Variants in TMC5 observed in about 807,000 individuals in gnomAD.
TMC5 encodes transmembrane channel like 5.
In TMC5, 86 loss-of-function variants were observed where a neutral mutation model predicts 110.5. The ratio of observed to expected loss-of-function variants is 0.78; its 90% CI spans 0.65 to 0.93. The LOEUF (loss-of-function observed/expected upper bound fraction) is 0.93, where lower values mean the gene tolerates loss of function less well. Among genes scored for constraint, TMC5 ranks in the 40% least tolerant of loss-of-function variants. The pLI is 0.00. For synonymous variants in TMC5, 455 were observed against 439.5 expected (o/e 1.04, Z -0.44); for missense variants, 1,144 against 1,222.8 (o/e 0.94, Z 0.96).
At chr16:19,453,665 G>A (rs1379318548) in intron 5 of TMC5, among the ~76,000 whole-genome samples, 2 of 152,108 alleles carry the variant, frequency 1.3e-5, no homozygotes, top group Non-Finnish European at 2.9e-5. Flanking sequence ...CTACTCTGGA[G>A]GCTGAGATGG....
At chr16:19,427,841 A>G (rs899993362) in intron 1 of TMC5, among the ~76,000 whole-genome samples, 4 of 126,000 alleles carry the variant, frequency 3.2e-5, no homozygotes, top group African/African-American at 5.0e-5. Flanking sequence ...CTCTAGATCC[A>G]TAGTTTCTGC....
chr16:19,427,679 G>A (rs1203807643), intron 1 of TMC5, among the ~76,000 whole-genome samples: 1 of 151,766 alleles, frequency 6.6e-6, no homozygotes, highest in Non-Finnish European at 1.5e-5. Context: ...TCTATTGTGG[G>A]GAGGCCAGTC....
upstream of TMC5, among the ~76,000 whole-genome samples, chr16:19,414,839 A>T (rs763964551): frequency 6.6e-6 from 1 of 151,910 alleles, no homozygotes. Flanking sequence ...TGAGGCCAGG[A>T]GTTCGAGACC....
intron 2 of TMC5, among the ~76,000 whole-genome samples, chr16:19,434,045 A>T (rs1567300198): frequency 8.3e-3 from 55 of 6,654 alleles, no homozygotes; most frequent in Non-Finnish European, 0.012. Flanking sequence ...TTATATATAT[A>T]ATATATATAA....
At chr16:19,476,601 T>C (rs992140442) in intron 12 of TMC5, among the ~76,000 whole-genome samples, 1 of 152,152 alleles carries the variant, frequency 6.6e-6, no homozygotes, top group African/African-American at 2.4e-5. Flanking sequence ...AGGTTGGCAG[T>C]GTACGCTGGG....
At chr16:19,458,075 C>T (rs115750316) in intron 5 of TMC5, among the ~76,000 whole-genome samples, 99 of 152,080 alleles carry the variant, frequency 6.5e-4, no homozygotes, top group African/African-American at 2.1e-3. Flanking sequence ...TGGGCTAATT[C>T]CTCCTCACCC....
intron 8 of TMC5, among the ~76,000 whole-genome samples, chr16:19,465,050 TCTTTCTTTTCC>T (rs1968138946): frequency 4.8e-5 from 5 of 103,462 alleles, no homozygotes; most frequent in Admixed American, 2.1e-4. Flanking sequence ...TTTCTTTCTT[TCTTTCTTTTCC>T]TTCCTTCCTT....
Position 19,460,221 on chromosome 16 carries a change from A to C in TMC5, c.1049-14A>C. 6.3e-7 allele frequency: 1 copy of C among 1,583,932 alleles called. No homozygotes were observed. Among genetic ancestry groups the C allele is most frequent in the Non-Finnish European group, 8.6e-7 (1 of 1,159,202 alleles). ...AAGAAAAAAGAAATTAAATTCCATT[A>C]ATTTCTTTCATAGGACAGAAGTTAA... On this transcript the variant is annotated splice_polypyrimidine_tract_variant and intron_variant, in intron 5 of 21. Transcript: ENST00000542583.
chr16:19,420,141 T>A (rs1305958745), intron 1 of TMC5, among the ~76,000 whole-genome samples: 3 of 152,022 alleles, frequency 2.0e-5, no homozygotes, highest in Admixed American at 2.0e-4. Context: ...ATCAACTAAT[T>A]TTAGGCCAGG....
chr16:19,434,483 G>GATAA (rs1201866441), intron 2 of TMC5, among the ~76,000 whole-genome samples: 2 of 75,678 alleles, frequency 2.6e-5, no homozygotes, highest in Non-Finnish European at 5.0e-5. Context: ...TAGATAGATA[G>GATAA]ATAGATAGAT....
At chr16:19,460,146 T>C in intron 5 of TMC5, 89 bp from the exon 6 acceptor site, 2 of 913,496 alleles carry the variant, frequency 2.2e-6, no homozygotes, top group East Asian at 2.7e-5. Context: ...TCTTCCCTTG[T>C]GTTACGTGCT....
intron 2 of TMC5, among the ~76,000 whole-genome samples, chr16:19,435,604 C>CACAT (rs1214625965): frequency 9.2e-5 from 14 of 152,012 alleles, no homozygotes; most frequent in African/African-American, 2.7e-4. Context: ...CACACACACA[C>CACAT]ATGCCTCCCT....
chr16:19,453,144 A>G (rs1369866276), intron 5 of TMC5, among the ~76,000 whole-genome samples: 1 of 151,974 alleles, frequency 6.6e-6, no homozygotes, highest in Non-Finnish European at 1.5e-5. Context: ...TCTGATTCAC[A>G]AACCACATGC....
rs59897298 is a variant in TMC5, at chr16:19,447,020, T to TAACAACAAC, written c.959-2509_959-2501dup. Among the ~76,000 whole-genome samples, 358 of 151,852 alleles carry TAACAACAAC rather than the reference T, an allele frequency of 2.4e-3. 2 individuals are homozygous for TAACAACAAC. The highest frequency in any genetic ancestry group is 8.4e-3 in the African/African-American group (346 of 41,300). On this transcript the variant is annotated intron_variant, in intron 4 of 21. Transcript: ENST00000542583. ...GCCTGAAAAATATTAACTGAGTTAA[T>TAACAACAAC]AACAACAACAACAACAACAACTATA... is the stretch of plus-strand genomic sequence containing the variant.
upstream of TMC5, among the ~76,000 whole-genome samples, chr16:19,417,418 C>CAAA (rs34861075): frequency 1.2e-5 from 1 of 85,298 alleles, no homozygotes; most frequent in African/African-American, 5.0e-5. Context: ...AACGCTGTCT[C>CAAA]AAAAAAAAAA....
At chr16:19,457,046 G>A (rs1409099381) in intron 5 of TMC5, 5 of 1,562,452 alleles carry the variant, frequency 3.2e-6, no homozygotes, top group Admixed American at 3.7e-5. Flanking sequence ...GAGAAGTAGG[G>A]GAGTAGGAAA....
rs775342817 is a variant in TMC5 at position 19,477,547 on chromosome 16, T to C, written c.2169+29T>C. The C allele has an allele frequency of 2.6e-6, 4 of 1,534,648 alleles. No homozygotes were observed. The African/African-American group carries it at 4.1e-5, about 16-fold the overall frequency. On this transcript the variant is annotated intron_variant, in intron 13 of 21. Transcript: ENST00000542583. ...AGATTCTATGCTTCTCTGCCTTAAGTTTGGTTTCTTAGCATTTGACCAACA... is the reference window on the plus strand; with the variant it reads ...AGATTCTATGCTTCTCTGCCTTAAGCTTGGTTTCTTAGCATTTGACCAACA...
chr16:19,452,559 A>T (rs892193008), intron 5 of TMC5, among the ~76,000 whole-genome samples: 3 of 151,850 alleles, frequency 2.0e-5, no homozygotes, highest in African/African-American at 7.3e-5. Flanking sequence ...TCTACTAAAA[A>T]TACAAAAATT....
intron 17 of TMC5, among the ~76,000 whole-genome samples, chr16:19,489,823 C>T (rs1285684189): frequency 1.3e-5 from 2 of 151,146 alleles, no homozygotes; most frequent in Non-Finnish European, 2.9e-5. Flanking sequence ...GGGTCTTGCT[C>T]TGTTGCCCAG....
Sources: gnomAD v4.1 joint callset for allele counts (sites outside exome capture counted in the v4.1 genomes callset) on GRCh38, gnomAD v4.1.1 for gene constraint, MANE v1.5 for transcripts, NCBI Gene and HGNC (gene_info 2026-07-23, HGNC 2026-07-21) for gene names.